Variants in GALNT13 observed in about 807,000 individuals in gnomAD.
GALNT13 encodes polypeptide N-acetylgalactosaminyltransferase 13.
Under a neutral mutation model 64.2 loss-of-function variants are expected in GALNT13, and 28 were observed. The ratio of observed to expected loss-of-function variants is 0.44; its 90% CI spans 0.32 to 0.60. GALNT13 has a LOEUF of 0.60. Ranked by LOEUF, GALNT13 falls within the 20% of genes least tolerant of loss-of-function variation. The pLI, the probability that GALNT13 is intolerant of heterozygous loss-of-function variation, is 0.05. For missense variants in GALNT13, 577 were observed against 669.8 expected, an observed-to-expected ratio of 0.86 and a Z score of 1.53; for synonymous variants, 214 against 224.6, an observed-to-expected ratio of 0.95 and a Z score of 0.42.
chr2:153,729,571 G>T, the GALNT13 span, among the ~76,000 whole-genome samples: 1 of 151,748 alleles, frequency 6.6e-6, no homozygotes, highest in African/African-American at 2.4e-5. Context: ...TTGATGTAAG[G>T]GTTCGAGTCA....
At chr2:153,980,108 A>G (rs1694360216) in intron 3 of GALNT13, among the ~76,000 whole-genome samples, 1 of 152,200 alleles carries the variant, frequency 6.6e-6, no homozygotes, top group Admixed American at 6.5e-5. Context: ...CCAAGGCCCT[A>G]GGCAAGGAGG....
chr2:154,167,960 G>T (rs982548016), intron 4 of GALNT13, among the ~76,000 whole-genome samples: 4 of 152,168 alleles, frequency 2.6e-5, no homozygotes, highest in Non-Finnish European at 1.5e-5. Flanking sequence ...ACATGGGAAG[G>T]GTACTTTCAC....
chr2:153,631,330 A>G, the GALNT13 span, among the ~76,000 whole-genome samples: 1 of 152,190 alleles, frequency 6.6e-6, no homozygotes, highest in Non-Finnish European at 1.5e-5. Flanking sequence ...ATACCCAGTA[A>G]TGGGATGGCT....
chr2:153,484,737 G>A, the GALNT13 span, among the ~76,000 whole-genome samples: 3 of 152,182 alleles, frequency 2.0e-5, no homozygotes, highest in African/African-American at 7.2e-5. Context: ...CCAAATGTCA[G>A]CATTTCTCAA....
the GALNT13 span, among the ~76,000 whole-genome samples, chr2:153,316,527 G>A: frequency 6.6e-6 from 1 of 151,538 alleles, no homozygotes; most frequent in East Asian, 1.9e-4. Context: ...TGTAATCCCA[G>A]CTACTTGGGA....
At chr2:153,532,730 CTT>C in the GALNT13 span, among the ~76,000 whole-genome samples, 4 of 152,170 alleles carry the variant, frequency 2.6e-5, no homozygotes. Flanking sequence ...ATCTTAAACA[CTT>C]TGTGCTTAGA....
At chr2:153,233,464 C>T in the GALNT13 span, among the ~76,000 whole-genome samples, 2 of 145,398 alleles carry the variant, frequency 1.4e-5, no homozygotes, top group Non-Finnish European at 3.0e-5. Context: ...GAGCTATTCT[C>T]AATATAATAA....
chr2:154,056,286 A>C (rs1399213746), intron 3 of GALNT13, among the ~76,000 whole-genome samples: 1 of 152,186 alleles, frequency 6.6e-6, no homozygotes, highest in Non-Finnish European at 1.5e-5. Flanking sequence ...TTAAGTTGAC[A>C]ATGCATTTTA....
At chr2:153,538,310 CTTTTTTTTTTTAATTCTTT>C in the GALNT13 span, among the ~76,000 whole-genome samples, 5 of 64,552 alleles carry the variant, frequency 7.7e-5, no homozygotes, top group Non-Finnish European at 1.7e-4. Context: ...AATTTCTTTT[CTTTTTTTTTTTAATTCTTT>C]TTTTTTTTTT....
chr2:153,768,746 G>A, the GALNT13 span, among the ~76,000 whole-genome samples: 1 of 152,062 alleles, frequency 6.6e-6, no homozygotes, highest in Non-Finnish European at 1.5e-5. Context: ...GGCACCTGTA[G>A]TCCCAACTAC....
the GALNT13 span, among the ~76,000 whole-genome samples, chr2:153,358,950 AT>A: frequency 9.2e-5 from 14 of 152,198 alleles, no homozygotes; most frequent in African/African-American, 3.1e-4. Context: ...ATACAAAAAA[AT>A]ATTTTGGATG....
chr2:154,452,143 T>C lies in GALNT13; in HGVS notation c.*1592T>C, dbSNP rs1380722820. On this transcript the variant is annotated 3_prime_UTR_variant, in exon 13 of 13. Coordinates refer to ENST00000392825, the MANE Select transcript of GALNT13 (RefSeq NM_052917.4). Reference sequence around the variant, plus strand: ...GGGAAGAATCTACAACCTGGAGCATTTCAGGTTTGCTCTTTAAATATAGAC... The same window carrying C: ...GGGAAGAATCTACAACCTGGAGCATCTCAGGTTTGCTCTTTAAATATAGAC... 2 of 152,094 alleles carry C rather than the reference T, an allele frequency of 1.3e-5. No homozygotes were observed. Among genetic ancestry groups the C allele is most frequent in the Non-Finnish European group, 2.9e-5 (2 of 68,012 alleles). The allele number at this position is 152,094 out of a possible 1,614,324, so 9.4% of individuals were successfully genotyped here.
chr2:154,152,276 T>G (rs955806223), intron 4 of GALNT13, among the ~76,000 whole-genome samples: 1 of 152,168 alleles, frequency 6.6e-6, no homozygotes, highest in Non-Finnish European at 1.5e-5. Context: ...TCTTCTGGCT[T>G]GTAGAGTTTC....
chr2:153,975,682 T>C (rs551921103), intron 3 of GALNT13, among the ~76,000 whole-genome samples: 39 of 152,124 alleles, frequency 2.6e-4, no homozygotes, highest in Non-Finnish European at 4.4e-4. Context: ...AATGATTCAA[T>C]AGAGAGTTGT....
At chr2:153,129,557 G>T in the GALNT13 span, among the ~76,000 whole-genome samples, 1 of 152,140 alleles carries the variant, frequency 6.6e-6, no homozygotes, top group South Asian at 2.1e-4. Flanking sequence ...AGCAGATCAC[G>T]AGGTCAAGAG....
chr2:154,036,789 T>A (rs926980698), intron 3 of GALNT13, among the ~76,000 whole-genome samples: 14 of 152,120 alleles, frequency 9.2e-5, no homozygotes, highest in African/African-American at 3.4e-4. Flanking sequence ...GAGGATGGTC[T>A]ACAAGGTTGG....
intron 3 of GALNT13, among the ~76,000 whole-genome samples, chr2:154,095,637 T>A (rs994937992): frequency 6.6e-6 from 1 of 152,048 alleles, no homozygotes; most frequent in Non-Finnish European, 1.5e-5. Flanking sequence ...TTTCTTAATA[T>A]GTGAATAGAA....
the GALNT13 span, among the ~76,000 whole-genome samples, chr2:153,752,246 T>C: frequency 6.6e-6 from 1 of 152,078 alleles, no homozygotes; most frequent in Non-Finnish European, 1.5e-5. Context: ...TCTTTCTACT[T>C]AGGATAAGAG....
chr2:153,746,149 C>T, the GALNT13 span, among the ~76,000 whole-genome samples: 4 of 152,118 alleles, frequency 2.6e-5, no homozygotes, highest in Non-Finnish European at 4.4e-5. Context: ...GATATACATG[C>T]ATAGCAGTAC....
Sources: gnomAD v4.1 joint callset for allele counts (sites outside exome capture counted in the v4.1 genomes callset) on GRCh38, gnomAD v4.1.1 for gene constraint, MANE v1.5 for transcripts, NCBI Gene and HGNC (gene_info 2026-07-23, HGNC 2026-07-21) for gene names.